BLTP1: variants seen among roughly 807,000 people sequenced by gnomAD.
The protein encoded by BLTP1 is fragile site-associated protein.
At chr4:122,333,497 ATTTG>A in the BLTP1 span, 1 of 871,564 alleles carries the variant, frequency 1.1e-6, no homozygotes, top group Non-Finnish European at 1.6e-6. Flanking sequence ...TTTCTTGTAA[ATTTG>A]TTTGAGTTCA....
the BLTP1 span, chr4:122,183,102 T>A: frequency 2.6e-6 from 2 of 774,302 alleles, no homozygotes; most frequent in Non-Finnish European, 3.1e-6. Context: ...TTGGAAGGCC[T>A]AAGTGGGAGG....
chr4:122,239,526 G>C, the BLTP1 span: 4 of 1,572,328 alleles, frequency 2.5e-6, no homozygotes, highest in Non-Finnish European at 3.5e-6. Context: ...TATCCCTACA[G>C]AAATTTCAGG....
At chr4:122,152,878 C>A in the BLTP1 span, 1 of 527,258 alleles carries the variant, frequency 1.9e-6, no homozygotes, top group Non-Finnish European at 2.4e-6. Flanking sequence ...GGTGTGTGGA[C>A]TCGGCAGGAA....
chr4:122,289,743 T>A, the BLTP1 span: 3 of 964,974 alleles, frequency 3.1e-6, no homozygotes, highest in Non-Finnish European at 3.7e-6. Flanking sequence ...TGTTATCATG[T>A]TAAAAGAATT....
At chr4:122,209,305 T>TA in the BLTP1 span, 1 of 1,612,684 alleles carries the variant, frequency 6.2e-7, no homozygotes. Flanking sequence ...AGAAAACAGT[T>TA]AAACCAAAAT....
chr4:122,304,657 C>T, the BLTP1 span: 1 of 1,403,232 alleles, frequency 7.1e-7, no homozygotes, highest in South Asian at 1.6e-5. Flanking sequence ...TGGAACCAAA[C>T]CCATATTATC....
chr4:122,286,844 T>G, the BLTP1 span: 11 of 1,398,806 alleles, frequency 7.9e-6, no homozygotes, highest in Admixed American at 2.1e-5. Flanking sequence ...AAGATTTATA[T>G]GTACCAAAAT....
chr4:122,239,746 C>CA, the BLTP1 span: 1 of 1,614,146 alleles, frequency 6.2e-7, no homozygotes, highest in Non-Finnish European at 8.5e-7. Flanking sequence ...GTACTAGACT[C>CA]ACCAAAGCAG....
chr4:122,247,323 A>C, the BLTP1 span: 13 of 1,613,294 alleles, frequency 8.1e-6, no homozygotes, highest in Non-Finnish European at 1.1e-5. Flanking sequence ...ACATTCATCG[A>C]GTTCATGGGC....
the BLTP1 span, chr4:122,152,343 G>A: frequency 1.2e-5 from 12 of 985,284 alleles, no homozygotes; most frequent in Non-Finnish European, 1.4e-5. Context: ...AGTGCCGCCC[G>A]GCCTCGGTTG....
At chr4:122,167,653 TCTCA>T in the BLTP1 span, 1 of 985,202 alleles carries the variant, frequency 1.0e-6, no homozygotes, top group African/African-American at 1.7e-5. Flanking sequence ...ATGCTCCTCA[TCTCA>T]CTCTGGTTTT....
chr4:122,339,162 C>A, the BLTP1 span: 12 of 1,575,282 alleles, frequency 7.6e-6, no homozygotes, highest in Middle Eastern at 7.1e-4. Context: ...TAAAACTTTT[C>A]TTTTATCCAG....
the BLTP1 span, among the ~76,000 whole-genome samples, chr4:122,302,542 A>G: frequency 6.6e-6 from 1 of 152,208 alleles, no homozygotes; most frequent in Non-Finnish European, 1.5e-5. Context: ...CCAATGTAGG[A>G]TAGCAAACTA....
the BLTP1 span, chr4:122,226,525 G>A: frequency 3.6e-6 from 5 of 1,402,748 alleles, no homozygotes; most frequent in South Asian, 3.3e-5. Context: ...AGTAACATAA[G>A]CATGTAAATG....
chr4:122,226,632 T>C, the BLTP1 span: 2 of 1,585,462 alleles, frequency 1.3e-6, no homozygotes, highest in South Asian at 1.2e-5. Flanking sequence ...GTTAACATTC[T>C]TCAGAAGCTT....
At chr4:122,216,478 C>T in the BLTP1 span, among the ~76,000 whole-genome samples, 1 of 152,088 alleles carries the variant, frequency 6.6e-6, no homozygotes, top group African/African-American at 2.4e-5. Flanking sequence ...AAGGTGGTAT[C>T]ATGTTGCGGT....
chr4:122,328,609 A>C, the BLTP1 span: 1 of 973,150 alleles, frequency 1.0e-6, no homozygotes, highest in East Asian at 1.1e-4. Context: ...ATTATCTAAA[A>C]TAAAATGGAA....
At chr4:122,190,177 C>A in the BLTP1 span, 1 of 1,426,730 alleles carries the variant, frequency 7.0e-7, no homozygotes, top group Non-Finnish European at 9.5e-7. Context: ...GTCCACTATA[C>A]CCTTGACCTT....
chr4:122,177,409 T>G, the BLTP1 span, among the ~76,000 whole-genome samples: 3 of 152,204 alleles, frequency 2.0e-5, no homozygotes, highest in African/African-American at 4.8e-5. Flanking sequence ...TTCCTCAACC[T>G]GCTCTTAATA....
Sources: gnomAD v4.1 joint callset for allele counts (sites outside exome capture counted in the v4.1 genomes callset) on GRCh38, gnomAD v4.1.1 for gene constraint, MANE v1.5 for transcripts, NCBI Gene and HGNC (gene_info 2026-07-23, HGNC 2026-07-21) for gene names.